Variants in C12orf56 observed in about 807,000 individuals in gnomAD.
The protein encoded by C12orf56 is uncharacterized protein C12orf56.
In C12orf56, 71 loss-of-function variants were observed where a neutral mutation model predicts 69.9. That is an observed-to-expected ratio of 1.02 (90% CI 0.84 to 1.24). C12orf56 has a LOEUF of 1.24. Ranked by LOEUF, C12orf56 falls within the 50% of genes most tolerant of loss-of-function variation. The pLI is 0.00. For missense variants in C12orf56, 732 were observed against 738.5 expected (o/e 0.99, Z 0.10); for synonymous variants, 276 against 274.1 (o/e 1.01, Z -0.07).
chr12:64,363,380 A>G (rs767927906), intron 1 of C12orf56, among the ~76,000 whole-genome samples: 5 of 152,218 alleles, frequency 3.3e-5, no homozygotes, highest in Non-Finnish European at 7.3e-5. Flanking sequence ...GAAAGGGTTA[A>G]TTCAGCAGGG....
rs1338110279 is a variant in C12orf56, at chr12:64,266,129, G to T, written c.*1054C>A. 2.0e-5 allele frequency: 3 copies of T among 152,176 alleles called. No homozygotes were observed. Among genetic ancestry groups the T allele is most frequent in the Non-Finnish European group, 4.4e-5 (3 of 68,044 alleles). 9.4% of individuals were successfully genotyped at this position (152,176 alleles called of 1,614,324 possible). A position where few individuals can be genotyped will look rare whatever the true frequency, so the allele number is the denominator to read the frequency against. Reference sequence around the variant, plus strand: ...AGAATTTGTATAGGTGGAGGAGGAGGGTGTCATCCTATTGCTCAGCATTTC... The same window carrying T: ...AGAATTTGTATAGGTGGAGGAGGAGTGTGTCATCCTATTGCTCAGCATTTC... On this transcript the variant is annotated 3_prime_UTR_variant, in exon 13 of 13. Transcript: ENST00000543942.
chr12:64,352,257 C>T (rs1435095524), intron 2 of C12orf56: 1 of 152,170 alleles, frequency 6.6e-6, no homozygotes, highest in Admixed American at 6.5e-5. Context: ...TTTGTCTCTT[C>T]TCACTTTCAG....
At chr12:64,342,829 G>A (rs564842049) in intron 2 of C12orf56, among the ~76,000 whole-genome samples, 22 of 152,282 alleles carry the variant, frequency 1.4e-4, no homozygotes, top group Middle Eastern at 3.4e-3. Flanking sequence ...AAATCCTAGA[G>A]GCCTCCTCTG....
chr12:64,266,869 CT>C lies in C12orf56; in HGVS notation c.*313del. 3.0e-6 allele frequency: 1 copy of C among 333,154 alleles called. No individual in the cohort carries two copies. The highest frequency in any genetic ancestry group is 5.4e-6 in the Non-Finnish European group (1 of 186,426). 20.6% of individuals were successfully genotyped at this position (333,154 alleles called of 1,614,324 possible). A position where few individuals can be genotyped will look rare whatever the true frequency, so the allele number is the denominator to read the frequency against. On this transcript the variant is annotated 3_prime_UTR_variant, in exon 13 of 13. Coordinates refer to ENST00000543942, the MANE Select transcript of C12orf56 (RefSeq NM_001170633.2). ...ACAGCTTTCCTAAATCCCTGCATTC[CT>C]TTTTCCTGTGTCTTGATGGATAGTC... is the stretch of plus-strand genomic sequence containing the variant.
chr12:64,367,982 A>G (rs1739304400), intron 1 of C12orf56, among the ~76,000 whole-genome samples: 1 of 146,568 alleles, frequency 6.8e-6, no homozygotes, highest in Non-Finnish European at 1.5e-5. Flanking sequence ...TAATTTTTGT[A>G]TTTTTAGTAG....
At position 64,380,104 on chromosome 12, in the gene C12orf56, C is replaced by CAA. The variant is rs60079906; in HGVS notation, c.252+10208_252+10209dup. Among the ~76,000 whole-genome samples, 33 of 49,984 alleles carry CAA rather than the reference C, an allele frequency of 6.6e-4. 1 individual carries two copies. Among genetic ancestry groups the CAA allele is most frequent in the East Asian group, 3.3e-3 (4 of 1,200 alleles). 32.8% of individuals were successfully genotyped at this position (49,984 alleles called of 152,430 possible). A position where few individuals can be genotyped will look rare whatever the true frequency, so the allele number is the denominator to read the frequency against. On this transcript the variant is annotated intron_variant, in intron 1 of 12. Transcript: ENST00000543942. ...TGGGCGACAGAGCAAGACTCCGTCG[C>CAA]AAAAAAAAAAAAAAAAAAAAAAAAA...
intron 2 of C12orf56, among the ~76,000 whole-genome samples, chr12:64,345,639 T>C (rs904166810): frequency 6.6e-6 from 1 of 152,204 alleles, no homozygotes; most frequent in African/African-American, 2.4e-5. Flanking sequence ...GCTCTTTCAC[T>C]ATAGGAGATA....
chr12:64,286,367 C>A (rs887004470), intron 6 of C12orf56, among the ~76,000 whole-genome samples: 1 of 152,186 alleles, frequency 6.6e-6, no homozygotes, highest in African/African-American at 2.4e-5. Context: ...GGCAACTCAT[C>A]CAGTCACCTT....
intron 1 of C12orf56, among the ~76,000 whole-genome samples, chr12:64,365,873 A>ATG: frequency 7.4e-6 from 1 of 135,974 alleles, no homozygotes; most frequent in African/African-American, 2.8e-5. Flanking sequence ...TGTATATATT[A>ATG]TACATTATAT....
At chr12:64,333,429 TG>T (rs1294641793) in intron 2 of C12orf56, among the ~76,000 whole-genome samples, 40 of 151,256 alleles carry the variant, frequency 2.6e-4, no homozygotes, top group Admixed American at 6.6e-5. Flanking sequence ...ATTAAAAAGT[TG>T]GAAAAAAAAA....
intron 3 of C12orf56, among the ~76,000 whole-genome samples, chr12:64,320,234 G>A (rs61931481): frequency 0.045 from 6,847 of 152,240 alleles, 225 homozygotes; most frequent in Middle Eastern, 0.12. Flanking sequence ...CCATTCCTTG[G>A]AATCCATGAG....
chr12:64,315,670 C>T (rs1367717111), intron 4 of C12orf56, among the ~76,000 whole-genome samples: 1 of 151,906 alleles, frequency 6.6e-6, no homozygotes, highest in East Asian at 1.9e-4. Context: ...AGTGGCTCAC[C>T]CCTGTAATCC....
chr12:64,378,688 G>A (rs1198869563), intron 1 of C12orf56, among the ~76,000 whole-genome samples: 1 of 152,078 alleles, frequency 6.6e-6, no homozygotes, highest in Non-Finnish European at 1.5e-5. Context: ...GCCCACCTTG[G>A]CCTCCCAAAT....
rs1042047918 is a variant in C12orf56, at chr12:64,354,519, A to G, written c.253-1463T>C. Among the ~76,000 whole-genome samples, 7 of 152,054 alleles carry G rather than the reference A, an allele frequency of 4.6e-5. No homozygotes were observed. In the East Asian group the frequency reaches 1.4e-3, roughly 30 times the overall value. ...GTTGCCCATGCTGGAGTGCAATGAC[A>G]TGATCTCAGCTCACTGCAACCTTCG... is the stretch of plus-strand genomic sequence containing the variant. On this transcript the variant is annotated intron_variant, in intron 1 of 12. Coordinates refer to ENST00000543942, the MANE Select transcript of C12orf56 (RefSeq NM_001170633.2).
At position 64,305,718 on chromosome 12, in the gene C12orf56, C is replaced by T. The variant is rs552805168; in HGVS notation, c.969-1939G>A. 2.0e-5 allele frequency among the ~76,000 whole-genome samples: 3 copies of T among 152,254 alleles called. No homozygotes were observed. In the South Asian group the frequency reaches 6.2e-4, roughly 32 times the overall value. On this transcript the variant is annotated intron_variant, in intron 5 of 12. Transcript: ENST00000543942. ...TTTTGATATTTTAGTTAATGCATGT[C>T]TTCATACACACTAAGTGTTTGATAA...
intron 1 of C12orf56, among the ~76,000 whole-genome samples, chr12:64,387,542 G>A (rs2039810855): frequency 6.6e-6 from 1 of 152,180 alleles, no homozygotes; most frequent in South Asian, 2.1e-4. Context: ...AACAAGCCAG[G>A]CACAGTGGCT....
At chr12:64,284,598 G>A (rs2136765482) in intron 8 of C12orf56, 66 bp downstream of exon 8, 1 of 1,145,612 alleles carries the variant, frequency 8.7e-7, no homozygotes, top group East Asian at 2.5e-5. Context: ...TGCTTTGGAA[G>A]ACACTTAATA....
At chr12:64,354,832 G>A (rs1435116714) in intron 1 of C12orf56, among the ~76,000 whole-genome samples, 1 of 148,574 alleles carries the variant, frequency 6.7e-6, no homozygotes, top group South Asian at 2.1e-4. Context: ...TAATCCCAGA[G>A]CTTTGGGAGG....
chr12:64,280,226 T>G (rs912133577), intron 8 of C12orf56, among the ~76,000 whole-genome samples: 10 of 152,160 alleles, frequency 6.6e-5, no homozygotes, highest in Admixed American at 3.3e-4. Context: ...ACTAGGACAA[T>G]AATAGATAGA....
Sources: allele counts gnomAD v4.1 joint callset (sites outside exome capture counted in the v4.1 genomes callset), GRCh38; gene constraint gnomAD v4.1.1; transcripts MANE v1.5; gene names NCBI Gene and HGNC (gene_info 2026-07-23, HGNC 2026-07-21).